MBP: variants seen among roughly 807,000 people sequenced by gnomAD.
MBP encodes the protein myelin basic protein.
Under a neutral mutation model 35.8 loss-of-function variants are expected in MBP, and 16 were observed. That is an observed-to-expected ratio of 0.45 (90% confidence interval 0.30 to 0.68). MBP has a LOEUF of 0.68. Ranked by LOEUF, MBP falls within the 30% of genes least tolerant of loss-of-function variation. The pLI, the probability that MBP is intolerant of heterozygous loss-of-function variation, is 0.08. For synonymous variants in MBP, 143 were observed against 159.6 expected (o/e 0.90, Z 0.78); for missense variants, 380 against 404.7 (o/e 0.94, Z 0.52).
chr18:77,051,507 G>A (rs1487879685), intron 3 of MBP, among the ~76,000 whole-genome samples: 3 of 152,152 alleles, frequency 2.0e-5, no homozygotes, highest in African/African-American at 7.2e-5. Context: ...GGGCTCCTCC[G>A]GGGAGGGTGA....
chr18:77,089,434 G>C (rs7231932), intron 2 of MBP, among the ~76,000 whole-genome samples: 23,850 of 152,236 alleles, frequency 0.16, 2,016 homozygotes, highest in African/African-American at 0.22. Flanking sequence ...AAGAGGCAGG[G>C]AGAAGGCAGG....
chr18:76,998,152 T>C (rs1970417979), intron 4 of MBP, among the ~76,000 whole-genome samples: 1 of 152,188 alleles, frequency 6.6e-6, no homozygotes, highest in Admixed American at 6.5e-5. Flanking sequence ...AACTGAAACC[T>C]GGCCCCCATG....
intron 7 of MBP, chr18:76,985,169 T>A: frequency 1.3e-6 from 2 of 1,496,410 alleles, no homozygotes; most frequent in Non-Finnish European, 9.0e-7. Context: ...ACACATATTT[T>A]AAGGATCTAA....
At chr18:77,099,003 C>CCGTCATCCTCCTTCCCTCCTCCT (rs1975890082) in intron 2 of MBP, among the ~76,000 whole-genome samples, 1 of 151,920 alleles carries the variant, frequency 6.6e-6, no homozygotes, top group Admixed American at 6.6e-5. Context: ...TCCATCCTCC[C>CCGTCATCCTCCTTCCCTCCTCCT]CGTCATCCTC....
chr18:77,045,974 A>G (rs568393394), intron 3 of MBP, among the ~76,000 whole-genome samples: 1 of 152,340 alleles, frequency 6.6e-6, no homozygotes, highest in East Asian at 1.9e-4. Flanking sequence ...CATGGCAAAC[A>G]TGTCGATGGA....
chr18:77,039,061 T>C (rs1159109630), intron 3 of MBP, among the ~76,000 whole-genome samples: 2 of 152,228 alleles, frequency 1.3e-5, no homozygotes, highest in Non-Finnish European at 2.9e-5. Flanking sequence ...ATGAAAGACA[T>C]AGGCCATTCA....
chr18:77,074,340 G>A (rs550110693), intron 2 of MBP, among the ~76,000 whole-genome samples: 1 of 150,920 alleles, frequency 6.6e-6, no homozygotes, highest in African/African-American at 2.4e-5. Context: ...CAGTGAGCCC[G>A]GGTCTCAAGG....
intron 3 of MBP, among the ~76,000 whole-genome samples, chr18:77,028,074 G>A (rs1224637023): frequency 6.7e-6 from 1 of 148,338 alleles, no homozygotes; most frequent in African/African-American, 2.5e-5. Flanking sequence ...AATAGTGGAG[G>A]GAAGGTCAGC....
At chr18:77,046,423 G>A (rs1409438328) in intron 3 of MBP, among the ~76,000 whole-genome samples, 1 of 152,268 alleles carries the variant, frequency 6.6e-6, no homozygotes, top group African/African-American at 2.4e-5. Context: ...CCACTGGCAT[G>A]GTTCATCCAC....
chr18:77,067,532 T>A (rs1197789530), intron 2 of MBP, among the ~76,000 whole-genome samples: 1 of 152,192 alleles, frequency 6.6e-6, no homozygotes, highest in Non-Finnish European at 1.5e-5. Context: ...CGTGTTGCAC[T>A]AATTTCCTGT....
At chr18:77,109,382 CCACA>C (rs1373193727) in intron 1 of MBP, 2 of 152,164 alleles carry the variant, frequency 1.3e-5, no homozygotes, top group African/African-American at 2.4e-5. Context: ...TGCTTTAAGA[CCACA>C]CAAAGTGTCC....
At position 76,988,251 on chromosome 18, in the gene MBP, A is replaced by T; in HGVS notation, c.750+244T>A. 6.5e-7 allele frequency: 1 copy of T among 1,550,322 alleles called. No individual in the cohort carries two copies. The highest frequency in any genetic ancestry group is 8.7e-7 in the Non-Finnish European group (1 of 1,147,006). On this transcript the variant is annotated intron_variant, in intron 7 of 8. Coordinates refer to ENST00000355994, the MANE Select transcript of MBP (RefSeq NM_001025101.2). This position sits in a 1 kb window ranked among gnomAD's most constrained non-coding sequence, Gnocchi z 5.2. Reference sequence around the variant, plus strand: ...CCTGGGAACCCTCTGGGAGAAGAGGATCTGGCCTTGCAGGGCTGGGTCCCC... The same window carrying T: ...CCTGGGAACCCTCTGGGAGAAGAGGTTCTGGCCTTGCAGGGCTGGGTCCCC...
At chr18:77,084,528 C>G (rs1421393253) in intron 2 of MBP, among the ~76,000 whole-genome samples, 3 of 151,906 alleles carry the variant, frequency 2.0e-5, no homozygotes, top group Non-Finnish European at 1.5e-5. Flanking sequence ...TGGCACCGCC[C>G]TTGCTATTGA....
intron 2 of MBP, among the ~76,000 whole-genome samples, chr18:77,093,757 ACGG>A (rs1975637877): frequency 6.6e-6 from 1 of 152,216 alleles, no homozygotes; most frequent in Non-Finnish European, 1.5e-5. Context: ...AGAAATTCCC[ACGG>A]GCGGGCGCTG....
intron 2 of MBP, among the ~76,000 whole-genome samples, chr18:77,071,295 T>TC (rs2144842809): frequency 6.6e-6 from 1 of 152,320 alleles, no homozygotes; most frequent in South Asian, 2.1e-4. Flanking sequence ...GGAGTCATGG[T>TC]CCACCACAGG....
chr18:77,055,348 C>T (rs1181983505), intron 3 of MBP, among the ~76,000 whole-genome samples: 1 of 152,168 alleles, frequency 6.6e-6, no homozygotes, highest in African/African-American at 2.4e-5. Flanking sequence ...GTAGGGGGCA[C>T]ATAACTGTAA....
chr18:77,084,413 CCCCCCCGCCACACCACACCACACACACA>C (rs1975116279), intron 2 of MBP, among the ~76,000 whole-genome samples: 1 of 46,198 alleles, frequency 2.2e-5, no homozygotes, highest in Admixed American at 2.5e-4. Flanking sequence ...ACAACACCGC[CCCCCCCGCCACACCACACCACACACACA>C]CACACACACA....
At chr18:77,000,074 C>T (rs1373353135) in intron 4 of MBP, among the ~76,000 whole-genome samples, 1 of 152,054 alleles carries the variant, frequency 6.6e-6, no homozygotes, top group Non-Finnish European at 1.5e-5. Context: ...GACATTTCTG[C>T]AAAATTTTTG....
At chr18:77,018,358 A>ACTCATGCCTG (rs1180937185) in intron 3 of MBP, among the ~76,000 whole-genome samples, 1 of 88,170 alleles carries the variant, frequency 1.1e-5, no homozygotes, top group Non-Finnish European at 3.2e-5. Flanking sequence ...CCATCCATAC[A>ACTCATGCCTG]CATACCCACC....
Sources: allele counts gnomAD v4.1 joint callset (sites outside exome capture counted in the v4.1 genomes callset), GRCh38; gene constraint gnomAD v4.1.1; non-coding constraint Gnocchi (gnomAD v3.1); transcripts MANE v1.5; gene names NCBI Gene and HGNC (gene_info 2026-07-23, HGNC 2026-07-21).